Variants in EBF4 observed in about 807,000 individuals in gnomAD.
EBF4 encodes the protein EBF transcription factor 4, also known as transcription factor COE4.
In EBF4, 34 loss-of-function variants were observed where a neutral mutation model predicts 67.1. The observed-to-expected ratio is 0.51, with a 90% confidence interval of 0.39 to 0.67. EBF4 has a LOEUF of 0.67. Ranked by LOEUF, EBF4 falls within the 30% of genes least tolerant of loss-of-function variation. EBF4 has a pLI of 0.00. For missense variants in EBF4, 837 were observed against 873.3 expected (o/e 0.96, Z 0.52); for synonymous variants, 387 against 377.7 (o/e 1.02, Z -0.29).
At chr20:2,711,929 A>T (rs2087549655) in intron 6 of EBF4, among the ~76,000 whole-genome samples, 1 of 152,190 alleles carries the variant, frequency 6.6e-6, no homozygotes, top group South Asian at 2.1e-4. Flanking sequence ...AGGAAGTAAG[A>T]GAGTGAGCGA....
rs551821397 is a variant in EBF4 at position 2,757,256 on chromosome 20, G to A, written c.1738+1432G>A. ...AGGGCCTGGGAGAACAACTGAGGAT[G>A]ATACATGTCCGCAGCGTCCCACAGA... On this transcript the variant is annotated intron_variant, in intron 15 of 16. Transcript: ENST00000609451. Among the ~76,000 whole-genome samples, 7 of 152,228 alleles carry A rather than the reference G, an allele frequency of 4.6e-5. No individual in the cohort carries two copies. The South Asian group carries it at 1.2e-3, about 27-fold the overall frequency.
At chr20:2,718,588 C>T (rs1346258340) in intron 6 of EBF4, among the ~76,000 whole-genome samples, 2 of 152,176 alleles carry the variant, frequency 1.3e-5, no homozygotes, top group East Asian at 3.8e-4. Flanking sequence ...ATAATATTCC[C>T]TTATCATCCA....
chr20:2,751,562 A>T lies in EBF4; in HGVS notation c.1019-138A>T. On this transcript the variant is annotated intron_variant, in intron 10 of 16. Transcript: ENST00000609451. This position sits in a 1 kb window ranked among gnomAD's most constrained non-coding sequence, Gnocchi z 5.2. The stretch of plus-strand genomic sequence containing the variant: ...GGGGGTGCCTGGAGTTTTCCGGGGG[A>T]CTTGGGCTGGGCCTGGTGGAGGGGG... The T allele has an allele frequency of 1.3e-6, 1 of 790,740 alleles. No homozygotes were observed. Among genetic ancestry groups the T allele is most frequent in the Non-Finnish European group, 2.0e-6 (1 of 495,820 alleles). 49.0% of individuals were successfully genotyped at this position (790,740 alleles called of 1,614,324 possible).
intron 6 of EBF4, among the ~76,000 whole-genome samples, chr20:2,728,990 TTACTG>T: frequency 6.6e-6 from 1 of 152,076 alleles, no homozygotes; most frequent in Non-Finnish European, 1.5e-5. Flanking sequence ...CACTTCAAGA[TTACTG>T]TAGTTGTTAG....
intron 2 of EBF4, 51 bp downstream of exon 2, chr20:2,705,784 ACCACACAC>A (rs1320977081): frequency 4.5e-6 from 4 of 898,070 alleles, no homozygotes; most frequent in Non-Finnish European, 3.1e-6. Context: ...GGAACCCCCA[ACCACACAC>A]ACACACACAC....
chr20:2,698,869 A>G (rs951839913), intron 1 of EBF4, among the ~76,000 whole-genome samples: 2 of 152,126 alleles, frequency 1.3e-5, no homozygotes, highest in Non-Finnish European at 2.9e-5. Context: ...GGTGGGGAGA[A>G]GGGAAGGCAA....
chr20:2,705,912 G>GT, intron 2 of EBF4, 62 bp from the exon 3 acceptor site: 1 of 1,525,658 alleles, frequency 6.6e-7, no homozygotes, highest in Non-Finnish European at 8.8e-7. Flanking sequence ...AGGAGAAGGG[G>GT]TGGACAAGGG....
Position 2,739,939 on chromosome 20 carries a change from C to G in EBF4, c.558-8610C>G, listed in dbSNP as rs915573078. 1.2e-4 allele frequency among the ~76,000 whole-genome samples: 18 copies of G among 152,200 alleles called. No individual in the cohort carries two copies. The highest frequency in any genetic ancestry group is 2.4e-4 in the Non-Finnish European group (16 of 68,038). On this transcript the variant is annotated intron_variant, in intron 6 of 16. Transcript: ENST00000609451. This position sits in a 1 kb window ranked among gnomAD's most constrained non-coding sequence, Gnocchi z 4.5. ...GAACATCCTGCCCCAGCTCGTATAT[C>G]CATTCACTGCATACCTTCTTTCTAG...
rs1334581364 is a variant in EBF4 at position 2,755,642 on chromosome 20, C to T, written c.1556C>T (p.Pro519Leu). ...CGCCCCGGAGTCATGCCCTCTAGCC[C>T]CCCGCTGGCGGCTGCCTCCTCCATG... is the stretch of plus-strand genomic sequence containing the variant. The change falls in exon 15 of 17, where the codon CCC becomes CTC. Residue 519 changes from proline to leucine, a missense_variant. Physicochemically the swap from Pro to Leu is moderately conservative, Grantham distance 98. Transcript: ENST00000609451. The surrounding 1 kb of genome is among the most constrained non-coding windows in gnomAD (Gnocchi z 4.7). 6.5e-7 allele frequency: 1 copy of T among 1,534,752 alleles called. No homozygotes were observed. The highest frequency in any genetic ancestry group is 2.0e-5 in the Admixed American group (1 of 50,928).
At chr20:2,752,288 G>A (rs60014511) in intron 13 of EBF4, 25 bp downstream of exon 13, 526,057 of 1,213,710 alleles carry the variant, frequency 0.43, 115,521 homozygotes, top group Admixed American at 0.56. Context: ...CCTCCCCGCC[G>A]TCCTCGGGCG....
intron 6 of EBF4, among the ~76,000 whole-genome samples, chr20:2,744,503 T>TTTTTTTTTTTTTTTTTTTTTTG (rs2088020869): frequency 7.0e-6 from 1 of 141,864 alleles, no homozygotes; most frequent in African/African-American, 2.7e-5. Flanking sequence ...TTTTTTTTTT[T>TTTTTTTTTTTTTTTTTTTTTTG]TTTTTTGAGA....
intron 6 of EBF4, among the ~76,000 whole-genome samples, chr20:2,721,796 T>C (rs1347585955): frequency 2.0e-5 from 3 of 152,206 alleles, no homozygotes; most frequent in Non-Finnish European, 2.9e-5. Context: ...ACAGTTATAA[T>C]AACTCTTCTA....
exon 16 of EBF4, chr20:2,758,968 G>T: frequency 6.4e-7 from 1 of 1,551,774 alleles, no homozygotes; most frequent in Non-Finnish European, 8.7e-7. Flanking sequence ...TCAGGGCCTG[G>T]CATACTCCTA....
chr20:2,706,363 C>A (rs2087459152), intron 4 of EBF4, 99 bp downstream of exon 4: 2 of 1,365,380 alleles, frequency 1.5e-6, no homozygotes, highest in Non-Finnish European at 2.0e-6. Flanking sequence ...CCCTCATCTC[C>A]CTATGCCCTC....
intron 6 of EBF4, among the ~76,000 whole-genome samples, chr20:2,730,733 C>A (rs541198486): frequency 6.6e-6 from 1 of 152,342 alleles, no homozygotes; most frequent in South Asian, 2.1e-4. Flanking sequence ...GGCCTGTCCA[C>A]CCTCTGCAAA....
chr20:2,742,567 A>T (rs1313131141), intron 6 of EBF4, among the ~76,000 whole-genome samples: 2 of 152,112 alleles, frequency 1.3e-5, no homozygotes, highest in African/African-American at 4.8e-5. Context: ...TTAGGAAGCC[A>T]TGCCCTCCAA....
rs2088044678 is a variant in EBF4, at chr20:2,745,986, C to T, written c.558-2563C>T. 6.6e-6 allele frequency among the ~76,000 whole-genome samples: 1 copy of T among 152,168 alleles called. No individual in the cohort carries two copies. Among genetic ancestry groups the T allele is most frequent in the Admixed American group, 6.5e-5 (1 of 15,284 alleles). ...TCCCTTTAGGACAGAGACCATGCCCCATCCTGGTGTTTTTCCCTCCATCTA... is the reference window on the plus strand; with the variant it reads ...TCCCTTTAGGACAGAGACCATGCCCTATCCTGGTGTTTTTCCCTCCATCTA... On this transcript the variant is annotated intron_variant, in intron 6 of 16. Coordinates refer to ENST00000609451, the Ensembl canonical transcript of EBF4. The surrounding 1 kb of genome is among the most constrained non-coding windows in gnomAD (Gnocchi z 5.2).
At chr20:2,702,073 GAA>G (rs1373726121) in intron 1 of EBF4, among the ~76,000 whole-genome samples, 1 of 152,196 alleles carries the variant, frequency 6.6e-6, no homozygotes, top group African/African-American at 2.4e-5. Context: ...AGGGAGCAGG[GAA>G]AGATGGAGGG....
chr20:2,742,204 G>A (rs1208844670), intron 6 of EBF4, among the ~76,000 whole-genome samples: 1 of 152,102 alleles, frequency 6.6e-6, no homozygotes, highest in Admixed American at 6.6e-5. Context: ...CTTTAGCATT[G>A]ACTGTGACTT....
Sources: allele counts gnomAD v4.1 joint callset (sites outside exome capture counted in the v4.1 genomes callset), GRCh38; gene constraint gnomAD v4.1.1; non-coding constraint Gnocchi (gnomAD v3.1); transcripts MANE v1.5; gene names NCBI Gene and HGNC (gene_info 2026-07-23, HGNC 2026-07-21).